Variants in POTEE observed in about 807,000 individuals in gnomAD.
The protein encoded by POTEE is POTE ankyrin domain family member E.
Under a neutral mutation model 74.2 loss-of-function variants are expected in POTEE, and 21 were observed. The observed-to-expected ratio is 0.28, with a 90% confidence interval of 0.20 to 0.41. The LOEUF (loss-of-function observed/expected upper bound fraction) is 0.41. POTEE is among the 10% of genes least tolerant of loss of function. The pLI, the probability that POTEE is intolerant of heterozygous loss-of-function variation, is 1.00. For missense variants in POTEE, 525 were observed against 1,158.6 expected (o/e 0.45, Z 7.94); for synonymous variants, 211 against 432.8 (o/e 0.49, Z 6.36).
At chr2:131,216,622 A>G (rs1337330641) in intron 2 of POTEE, among the ~76,000 whole-genome samples, 1 of 151,572 alleles carries the variant, frequency 6.6e-6, no homozygotes, top group Non-Finnish European at 1.5e-5. Flanking sequence ...ACATAAAGGT[A>G]TTTATAGCAA....
chr2:131,210,334 T>TGG (rs775208810), intron 1 of POTEE, among the ~76,000 whole-genome samples: 2 of 24,384 alleles, frequency 8.2e-5, no homozygotes, highest in Non-Finnish European at 1.8e-4. Flanking sequence ...AAGGGGTGGT[T>TGG]GGGGGGGGGT....
At chr2:131,211,346 C>G (rs1700353497) in intron 2 of POTEE, among the ~76,000 whole-genome samples, 163 bp downstream of exon 2, 1 of 151,190 alleles carries the variant, frequency 6.6e-6, no homozygotes, top group South Asian at 2.1e-4. Flanking sequence ...CCAGTCCGAC[C>G]TGGGGTGGGG....
chr2:131,237,240 AT>A (rs1701158923), intron 10 of POTEE, among the ~76,000 whole-genome samples: 2 of 150,482 alleles, frequency 1.3e-5, no homozygotes, highest in East Asian at 4.0e-4. Flanking sequence ...ATTATGAACA[AT>A]GTAACTCTGA....
intron 2 of POTEE, among the ~76,000 whole-genome samples, chr2:131,214,294 T>C: frequency 6.6e-6 from 1 of 152,260 alleles, no homozygotes; most frequent in Non-Finnish European, 1.5e-5. Flanking sequence ...GGGAGAGAGA[T>C]CTAAAGAAAA....
intron 5 of POTEE, 62 bp from the exon 6 acceptor site, chr2:131,223,808 G>A: frequency 1.9e-6 from 3 of 1,601,554 alleles, no homozygotes; most frequent in Non-Finnish European, 2.6e-6. Flanking sequence ...GTTGGTGAAA[G>A]CTGTGGAATG....
chr2:131,235,752 C>A (rs1358126359), intron 9 of POTEE, among the ~76,000 whole-genome samples: 22 of 142,140 alleles, frequency 1.5e-4, no homozygotes, highest in East Asian at 1.2e-3. Flanking sequence ...TGAGATTGCG[C>A]CACTGCACTC....
At chr2:131,224,649 T>A (rs1700726380) in intron 6 of POTEE, among the ~76,000 whole-genome samples, 1 of 152,060 alleles carries the variant, frequency 6.6e-6, no homozygotes, top group Non-Finnish European at 1.5e-5. Context: ...GACTGATTTG[T>A]TTCCTTTGCA....
Position 131,230,860 on chromosome 2 carries a change from C to T in POTEE, c.1080C>T (p.Tyr360=), listed in dbSNP as rs553100151. 3.6e-5 allele frequency: 50 copies of T among 1,398,502 alleles called. No individual in the cohort carries two copies. The South Asian group carries it at 5.7e-4, about 16-fold the overall frequency. The allele number at this position is 1,398,502 out of a possible 1,614,324, so 86.6% of individuals were successfully genotyped here. Reference sequence around the variant, plus strand: ...GAATTTGCCAGTTACTTTCTGACTACAAAGAAAAACAGATGCTAAAAATCT... The same window carrying T: ...GAATTTGCCAGTTACTTTCTGACTATAAAGAAAAACAGATGCTAAAAATCT... ...HHVICQLLSD[Y]KEKQMLKISS... The change falls in exon 9 of 18, where the codon TAC becomes TAT. Residue 360 remains tyrosine, a synonymous_variant. Coordinates refer to ENST00000683005, the MANE Select transcript of POTEE (RefSeq NM_001083538.3).
chr2:131,263,592 G>T lies in POTEE; in HGVS notation c.2137G>T (p.Gly713Cys). Residue 713 changes from glycine (G) to cysteine (C), a missense_variant, in exon 18 of 18, where the codon GGC becomes TGC. Physicochemically the swap from Gly to Cys is radical, Grantham distance 159 (BLOSUM62 -3). Transcript: ENST00000683005. The stretch of plus-strand genomic sequence containing the variant: ...TACCGCCGTGCTCGTCATTGACAAC[G>T]GCTCTGGCATGTGCAAGGCCGGCTT... The part of the protein sequence containing the change: ...DDTAVLVIDN[G>C]SGMCKAGFAG... The T allele has an allele frequency of 6.2e-7, 1 of 1,601,694 alleles. No individual in the cohort carries two copies. Among genetic ancestry groups the T allele is most frequent in the Non-Finnish European group, 8.5e-7 (1 of 1,174,938 alleles).
chr2:131,265,019 C>T lies in POTEE; in HGVS notation c.*336C>T, dbSNP rs1158310430. 6.2e-6 allele frequency: 3 copies of T among 480,034 alleles called. No homozygotes were observed. The highest frequency in any genetic ancestry group is 1.1e-5 in the Non-Finnish European group (3 of 264,122). 29.7% of individuals were successfully genotyped at this position (480,034 alleles called of 1,614,324 possible). ...TTCTCTCTAAGGAGAATGGCCCAGT[C>T]CTCTCCCTAGTTCACACAGGGGAGG... On this transcript the variant is annotated 3_prime_UTR_variant, in exon 18 of 18. Transcript: ENST00000683005.
chr2:131,214,197 G>T (rs966282613), intron 2 of POTEE, among the ~76,000 whole-genome samples: 2 of 152,230 alleles, frequency 1.3e-5, no homozygotes, highest in African/African-American at 4.8e-5. Context: ...TAAGCAGACA[G>T]GTCCCTCTCA....
chr2:131,232,825 T>G (rs1163112101), intron 9 of POTEE, among the ~76,000 whole-genome samples: 1 of 151,874 alleles, frequency 6.6e-6, no homozygotes, highest in Non-Finnish European at 1.5e-5. Flanking sequence ...TCCAAACATC[T>G]TGTTCTCACA....
chr2:131,231,313 A>G (rs1700948538), intron 9 of POTEE, among the ~76,000 whole-genome samples: 2 of 150,934 alleles, frequency 1.3e-5, no homozygotes. Flanking sequence ...CTGGAGGCAG[A>G]GTACAGGCGG....
intron 1 of POTEE, among the ~76,000 whole-genome samples, chr2:131,210,382 TTGGGTGTGC>T (rs1399826525): frequency 6.8e-6 from 1 of 146,332 alleles, no homozygotes; most frequent in Admixed American, 6.7e-5. Flanking sequence ...ACAGGGTGTG[TTGGGTGTGC>T]TGTCCGGGGG....
chr2:131,210,627 C>G (rs1168623306), intron 1 of POTEE, among the ~76,000 whole-genome samples: 1 of 151,826 alleles, frequency 6.6e-6, no homozygotes, highest in Non-Finnish European at 1.5e-5. Flanking sequence ...CCCGCCCACA[C>G]CCCATGCTCT....
At chr2:131,258,301 G>T (rs1191743531) in intron 16 of POTEE, among the ~76,000 whole-genome samples, 2 of 76,294 alleles carry the variant, frequency 2.6e-5, no homozygotes, top group African/African-American at 9.6e-5. Context: ...ATGATGACTT[G>T]GTTAATAATA....
chr2:131,217,760 G>A (rs1230656253), intron 3 of POTEE, among the ~76,000 whole-genome samples, 77 bp downstream of exon 3: 15 of 12,426 alleles, frequency 1.2e-3, no homozygotes, highest in Admixed American at 2.9e-3. Context: ...CACGCCGCAC[G>A]CCGCACGCGC....
chr2:131,221,186 T>G (rs886622542), intron 4 of POTEE, among the ~76,000 whole-genome samples: 2 of 152,134 alleles, frequency 1.3e-5, no homozygotes, highest in African/African-American at 4.8e-5. Flanking sequence ...TCTGTTTTTC[T>G]TAGTATTGAT....
At chr2:131,254,357 G>GTC (rs1294230647) in intron 16 of POTEE, among the ~76,000 whole-genome samples, 1 of 47,844 alleles carries the variant, frequency 2.1e-5, no homozygotes, top group Non-Finnish European at 4.5e-5. Flanking sequence ...TTGAGACAGG[G>GTC]TCTCACTCTG....
Sources: allele counts gnomAD v4.1 joint callset (sites outside exome capture counted in the v4.1 genomes callset), GRCh38; gene constraint gnomAD v4.1.1; transcripts MANE v1.5; gene names NCBI Gene and HGNC (gene_info 2026-07-23, HGNC 2026-07-21).